Variants in MRPL40 observed in about 807,000 individuals in gnomAD.
MRPL40 encodes large ribosomal subunit protein mL40.
A neutral mutation model predicts 24.5 loss-of-function variants in MRPL40; 18 were observed. That is an observed-to-expected ratio of 0.73 (90% CI 0.51 to 1.09). MRPL40 has a LOEUF of 1.09. MRPL40 is among the 50% of genes least tolerant of loss of function. The pLI, the probability that MRPL40 is intolerant of heterozygous loss-of-function variation, is 0.00. For missense variants in MRPL40, 256 were observed against 243.8 expected (o/e 1.05, Z -0.33); for synonymous variants, 108 against 94.6 (o/e 1.14, Z -0.82).
In MRPL40 at chr22:19,435,679, GGAGA is replaced by G; in HGVS notation, c.340_343del (p.Arg114LeufsTer4). On this transcript the variant is annotated frameshift_variant, in exon 4 of 4. Coordinates refer to ENST00000333130, the MANE Select transcript of MRPL40 (RefSeq NM_003776.4). LOFTEE classifies it high-confidence loss of function. ...GAGCTCACCTTTGAGGAGACTGAGA[GGAGA>G]GCTCTGCTTCTGAAGAAGTGGTCCT... The G allele has an allele frequency of 6.2e-7, 1 of 1,614,120 alleles. No individual in the cohort carries two copies. The highest frequency in any genetic ancestry group is 2.2e-5 in the East Asian group (1 of 44,876).
At chr22:19,433,980 G>A (rs2089569213) in intron 2 of MRPL40, among the ~76,000 whole-genome samples, 1 of 151,954 alleles carries the variant, frequency 6.6e-6, no homozygotes, top group Admixed American at 6.6e-5. Flanking sequence ...ATGTTGGTCA[G>A]GCTGGTCTCG....
intron 3 of MRPL40, 42 bp from the exon 4 acceptor site, chr22:19,435,596 C>T (rs1220057473): frequency 8.3e-6 from 13 of 1,561,126 alleles, no homozygotes; most frequent in East Asian, 4.5e-5. Flanking sequence ...CAGTCACAGA[C>T]TTACATGCCA....
chr22:19,436,052 T>A lies in MRPL40; in HGVS notation c.*90T>A. The A allele has an allele frequency of 9.0e-7, 1 of 1,105,770 alleles. No individual in the cohort carries two copies. The highest frequency in any genetic ancestry group is 1.3e-6 in the Non-Finnish European group (1 of 764,202). The allele number at this position is 1,105,770 out of a possible 1,614,324, so 68.5% of individuals were successfully genotyped here. ...CTTTCCACAGAATCAGGCATGCTGTTAATAAATACTGGTTTAATCAAAATG... is the reference window on the plus strand; with the variant it reads ...CTTTCCACAGAATCAGGCATGCTGTAAATAAATACTGGTTTAATCAAAATG... On this transcript the variant is annotated 3_prime_UTR_variant, in exon 4 of 4. Transcript: ENST00000333130.
At position 19,435,883 on chromosome 22, in the gene MRPL40, C is replaced by G. The variant is rs142584754; in HGVS notation, c.542C>G (p.Pro181Arg). 1 of 1,614,126 alleles carries G rather than the reference C, an allele frequency of 6.2e-7. No homozygotes were observed. The highest frequency in any genetic ancestry group is 2.2e-5 in the East Asian group (1 of 44,870). Reference protein sequence around the residue: ...FEKEGPHYTPPIPNYQPPEGR... With the variant: ...FEKEGPHYTPRIPNYQPPEGR... Reference sequence around the variant, plus strand: ...AAGGAAGGGCCACATTACACACCACCGATCCCTAACTACCAACCCCCTGAA... The same window carrying G: ...AAGGAAGGGCCACATTACACACCACGGATCCCTAACTACCAACCCCCTGAA... Residue 181 changes from proline (P) to arginine (R), a missense_variant, in exon 4 of 4, where the codon CCG (proline) becomes CGG (arginine). Physicochemically the swap from Pro to Arg is moderately radical, Grantham distance 103. Transcript: ENST00000333130.
At chr22:19,435,548 C>T (rs1347393850) in intron 3 of MRPL40, 90 bp from the exon 4 acceptor site, 13 of 1,229,490 alleles carry the variant, frequency 1.1e-5, no homozygotes, top group African/African-American at 1.5e-5. Context: ...CTCCTAAGTC[C>T]TGTCTGTGTC....
intron 2 of MRPL40, among the ~76,000 whole-genome samples, chr22:19,434,181 G>A (rs1022948154): frequency 4.0e-5 from 6 of 148,266 alleles, no homozygotes; most frequent in Admixed American, 2.7e-4. Context: ...AACACTTCCC[G>A]ATTTTATACC....
chr22:19,435,752 G>C lies in MRPL40; in HGVS notation c.411G>C (p.Arg137Ser). 6.2e-7 allele frequency: 1 copy of C among 1,614,142 alleles called. No individual in the cohort carries two copies. The highest frequency in any genetic ancestry group is 8.5e-7 in the Non-Finnish European group (1 of 1,180,012). Reference protein sequence around the residue: ...QERKMERDTIRAMLEAQQEAL... With the variant: ...QERKMERDTISAMLEAQQEAL... The stretch of plus-strand genomic sequence containing the variant: ...GTAAGATGGAGAGGGACACCATCAG[G>C]GCTATGCTAGAAGCCCAGCAGGAAG... The change falls in exon 4 of 4, where the codon AGG becomes AGC. Residue 137 changes from arginine to serine, a missense_variant. Physicochemically the swap from Arg to Ser is moderately radical, Grantham distance 110 (BLOSUM62 -1). Coordinates refer to ENST00000333130, the MANE Select transcript of MRPL40 (RefSeq NM_003776.4).
intron 1 of MRPL40, chr22:19,432,867 G>GA: frequency 7.4e-7 from 1 of 1,343,448 alleles, no homozygotes; most frequent in Non-Finnish European, 9.5e-7. Context: ...CAAGTAGTTA[G>GA]AAGTGCCCCG....
chr22:19,433,316 A>ATTG lies in MRPL40; in HGVS notation c.110_112dup (p.Leu37dup), dbSNP rs1569319122. On this transcript the variant is annotated inframe_insertion, in exon 2 of 4. Transcript: ENST00000333130. ...TTAGAGAGACTCACCAGCGAGCGTC[A>ATTG]TTGTTGTCTTTCTGGGAACTCATTC... 1.9e-6 allele frequency: 3 copies of ATTG among 1,613,202 alleles called. No homozygotes were observed. The highest frequency in any genetic ancestry group is 2.5e-6 in the Non-Finnish European group (3 of 1,179,228).
Position 19,435,713 on chromosome 22 carries a change from C to G in MRPL40, c.372C>G (p.Tyr124Ter). The G allele has an allele frequency of 6.2e-7, 1 of 1,614,146 alleles. No individual in the cohort carries two copies. Among genetic ancestry groups the G allele is most frequent in the African/African-American group, 1.3e-5 (1 of 75,026 alleles). The change falls in exon 4 of 4, where the codon TAC becomes TAG. Residue 124 changes from tyrosine (Y) to a stop codon, truncating the protein, a stop_gained. Transcript: ENST00000333130. LOFTEE classifies it high-confidence loss of function. The part of the protein sequence containing the change: ...RALLLKKWSL[Y>*]KQQERKMERD... ...TGCTTCTGAAGAAGTGGTCCTTGTA[C>G]AAGCAGCAAGAGCGTAAGATGGAGA... is the stretch of plus-strand genomic sequence containing the variant.
In MRPL40 at chr22:19,432,601, CTAGCGGGTGAGTGCGGACGCTGGCCGGA is replaced by C; in HGVS notation, c.53+1_53+28del. Reference sequence around the variant, plus strand: ...AGTATCTCGCTAGCCCTGCGCCCGACTAGCGGGTGAGTGCGGACGCTGGCCGGATAGCGGAGTGCCCAGGGCGCGTGCG... The same window carrying C: ...AGTATCTCGCTAGCCCTGCGCCCGACTAGCGGAGTGCCCAGGGCGCGTGCG... On this transcript the variant is annotated splice_donor_variant and splice_donor_5th_base_variant and coding_sequence_variant and intron_variant, in exon 1 of 4. Coordinates refer to ENST00000333130, the MANE Select transcript of MRPL40 (RefSeq NM_003776.4). LOFTEE classifies it high-confidence loss of function. 6.4e-7 allele frequency: 1 copy of C among 1,553,702 alleles called. No individual in the cohort carries two copies. The highest frequency in any genetic ancestry group is 8.7e-7 in the Non-Finnish European group (1 of 1,150,094).
At chr22:19,435,213 C>T (rs781615603) in intron 3 of MRPL40, among the ~76,000 whole-genome samples, 3 of 152,148 alleles carry the variant, frequency 2.0e-5, no homozygotes, top group Admixed American at 1.3e-4. Context: ...CTGAAGCCCT[C>T]GCCTCATCCT....
intron 2 of MRPL40, among the ~76,000 whole-genome samples, 198 bp from the exon 3 acceptor site, chr22:19,434,538 C>A (rs965962789): frequency 3.3e-5 from 5 of 152,060 alleles, no homozygotes; most frequent in African/African-American, 1.2e-4. Flanking sequence ...TGTACTATTT[C>A]TTGTAATTGA....
At chr22:19,432,871 T>C (rs560629665) in intron 1 of MRPL40, 147 of 1,337,714 alleles carry the variant, frequency 1.1e-4, no homozygotes, top group Middle Eastern at 2.7e-4. Flanking sequence ...TAGTTAGAAG[T>C]GCCCCGGGTT....
In MRPL40 at chr22:19,432,549, G is replaced by A. The variant is rs774080850; in HGVS notation, c.-6G>A. 7.8e-6 allele frequency: 12 copies of A among 1,548,124 alleles called. No individual in the cohort carries two copies. Among genetic ancestry groups the A allele is most frequent in the African/African-American group, 4.2e-5 (3 of 71,956 alleles). On this transcript the variant is annotated 5_prime_UTR_variant, in exon 1 of 4. Coordinates refer to ENST00000333130, the MANE Select transcript of MRPL40 (RefSeq NM_003776.4). ...GGGCGCACGCCCGGAAGCGGCGAGG[G>A]TAGCCATGACGGCCTCCGTGCTGCG...
chr22:19,435,666 G>A lies in MRPL40; in HGVS notation c.325G>A (p.Glu109Lys), dbSNP rs2089582556. The change falls in exon 4 of 4, where the codon GAG (glutamate) becomes AAG (lysine). Residue 109 changes from glutamate to lysine, a missense_variant. Transcript: ENST00000333130. ...GCGGCCTCAGGTGGAGCTCACCTTT[G>A]AGGAGACTGAGAGGAGAGCTCTGCT... ...RERPQVELTF[E>K]ETERRALLLK... is the part of the protein sequence containing the mutation. 1.2e-6 allele frequency: 2 copies of A among 1,614,000 alleles called. No homozygotes were observed. The highest frequency in any genetic ancestry group is 1.7e-6 in the Non-Finnish European group (2 of 1,179,952).
intron 2 of MRPL40, among the ~76,000 whole-genome samples, chr22:19,434,496 T>C (rs1211896683): frequency 2.0e-5 from 3 of 152,180 alleles, no homozygotes; most frequent in African/African-American, 7.2e-5. Context: ...GTGCTGGGAT[T>C]ACAGGCCTGA....
intron 1 of MRPL40, 63 bp from the exon 2 acceptor site, chr22:19,433,202 G>T: frequency 8.5e-7 from 1 of 1,172,724 alleles, no homozygotes; most frequent in South Asian, 1.2e-5. Flanking sequence ...TGGGATTACA[G>T]ACGTGAGCAA....
rs994760677 is a variant in MRPL40 at position 19,432,641 on chromosome 22, C to T, written c.53+34C>T. On this transcript the variant is annotated intron_variant, in intron 1 of 3. Transcript: ENST00000333130. ...GGACGCTGGCCGGATAGCGGAGTGCCCAGGGCGCGTGCGGGGTCTTCGCGA... is the reference window on the plus strand; with the variant it reads ...GGACGCTGGCCGGATAGCGGAGTGCTCAGGGCGCGTGCGGGGTCTTCGCGA... 5.2e-6 allele frequency: 8 copies of T among 1,533,390 alleles called. No individual in the cohort carries two copies. The Admixed American group carries it at 1.6e-4, about 31-fold the overall frequency. 95.0% of individuals were successfully genotyped at this position (1,533,390 alleles called of 1,614,324 possible).
Sources: gnomAD v4.1 joint callset for allele counts (sites outside exome capture counted in the v4.1 genomes callset) on GRCh38, gnomAD v4.1.1 for gene constraint, MANE v1.5 for transcripts, NCBI Gene and HGNC (gene_info 2026-07-23, HGNC 2026-07-21) for gene names.